Variants in FUT8 observed in about 807,000 individuals in gnomAD.
FUT8 encodes the protein alpha-(1,6)-fucosyltransferase.
In FUT8, 29 loss-of-function variants were observed where a neutral mutation model predicts 71.3. That is an observed-to-expected ratio of 0.41 (90% confidence interval 0.30 to 0.55). The LOEUF is 0.55. Among genes scored for constraint, FUT8 ranks in the 20% least tolerant of loss-of-function variants. The probability of loss-of-function intolerance (pLI) is 0.34; values close to 1 mark genes in which losing one functional copy is unlikely to be tolerated. For missense variants in FUT8, 544 were observed against 702.1 expected, an observed-to-expected ratio of 0.77 and a Z score of 2.55; for synonymous variants, 254 against 239.3, an observed-to-expected ratio of 1.06 and a Z score of -0.57.
chr14:65,718,319 T>A (rs1336750825), intron 7 of FUT8, among the ~76,000 whole-genome samples: 1 of 152,236 alleles, frequency 6.6e-6, no homozygotes, highest in South Asian at 2.1e-4. Context: ...TTGGCACCGA[T>A]TGCATAAACA....
intron 1 of FUT8, among the ~76,000 whole-genome samples, chr14:65,436,283 A>T (rs2065557610): frequency 6.6e-6 from 1 of 152,092 alleles, no homozygotes; most frequent in African/African-American, 2.4e-5. Flanking sequence ...GTCTCAAAAC[A>T]ACAACAACAA....
intron 6 of FUT8, chr14:65,645,825 C>T (rs1200635767): frequency 6.6e-6 from 1 of 152,286 alleles, no homozygotes; most frequent in South Asian, 2.1e-4. Flanking sequence ...GGGACACATT[C>T]ATATCACAGT....
At chr14:65,528,002 C>A (rs759700129) in intron 2 of FUT8, among the ~76,000 whole-genome samples, 1 of 152,308 alleles carries the variant, frequency 6.6e-6, no homozygotes, top group Non-Finnish European at 1.5e-5. Flanking sequence ...GGTCAGTGAC[C>A]TACTTGAGGA....
At chr14:65,471,427 G>A (rs971197130) in intron 2 of FUT8, among the ~76,000 whole-genome samples, 1 of 152,092 alleles carries the variant, frequency 6.6e-6, no homozygotes, top group African/African-American at 2.4e-5. Flanking sequence ...TTCCCCTGCT[G>A]CAAGCAGGAG....
intron 6 of FUT8, among the ~76,000 whole-genome samples, chr14:65,634,813 G>T (rs1890454863): frequency 6.6e-6 from 1 of 152,124 alleles, no homozygotes; most frequent in Admixed American, 6.5e-5. Flanking sequence ...TGACTATGCG[G>T]ACTCTTTTTT....
At chr14:65,617,955 T>G (rs968186969) in intron 5 of FUT8, among the ~76,000 whole-genome samples, 6 of 145,708 alleles carry the variant, frequency 4.1e-5, no homozygotes, top group African/African-American at 1.3e-4. Flanking sequence ...AAAAAAAGAT[T>G]TGAGTAATCA....
chr14:65,530,840 C>CCCCTCTCT (rs1016771227), intron 2 of FUT8, among the ~76,000 whole-genome samples: 18 of 150,324 alleles, frequency 1.2e-4, no homozygotes, highest in African/African-American at 4.4e-4. Flanking sequence ...TCCCTCCCTC[C>CCCCTCTCT]CCCTCTCTTC....
chr14:65,722,219 T>G (rs1313731755), intron 8 of FUT8, among the ~76,000 whole-genome samples, 198 bp downstream of exon 8: 1 of 152,210 alleles, frequency 6.6e-6, no homozygotes, highest in African/African-American at 2.4e-5. Context: ...AGAAAGTTGC[T>G]TAGTAGTGCT....
chr14:65,655,418 G>A (rs1891627085), intron 6 of FUT8, among the ~76,000 whole-genome samples: 1 of 150,722 alleles, frequency 6.6e-6, no homozygotes, highest in Non-Finnish European at 1.5e-5. Flanking sequence ...GGAACTTGCA[G>A]TGAGCCGAGA....
intron 7 of FUT8, among the ~76,000 whole-genome samples, chr14:65,697,598 A>G (rs1001291492): frequency 6.6e-6 from 1 of 152,196 alleles, no homozygotes; most frequent in African/African-American, 2.4e-5. Flanking sequence ...GAAAAGTACA[A>G]TTATGTTTTA....
At position 65,724,947 on chromosome 14, in the gene FUT8, TG is replaced by T. The variant is rs1895604518; in HGVS notation, c.1259+628del. On this transcript the variant is annotated intron_variant, in intron 9 of 10. Coordinates refer to ENST00000673929, the MANE Select transcript of FUT8 (RefSeq NM_001371533.1). ...GTCCTATTTCCAAACACCATCACAT[TG>T]GGGTTAGGGATTCAACATAGGAATT... Among the ~76,000 whole-genome samples, 3 of 152,218 alleles carry T rather than the reference TG, an allele frequency of 2.0e-5. No homozygotes were observed. In the South Asian group the frequency reaches 6.2e-4, roughly 32 times the overall value.
chr14:65,508,067 CT>C (rs71446303), intron 2 of FUT8, among the ~76,000 whole-genome samples: 36,350 of 125,664 alleles, frequency 0.29, 4,569 homozygotes, highest in Non-Finnish European at 0.38. Context: ...ATGTTAAACA[CT>C]TTTTTTTTTT....
At chr14:65,460,458 C>G (rs1206077862) in intron 2 of FUT8, among the ~76,000 whole-genome samples, 1 of 152,146 alleles carries the variant, frequency 6.6e-6, no homozygotes, top group Non-Finnish European at 1.5e-5. Flanking sequence ...TGTAATGCAA[C>G]CCACAGTATG....
In FUT8 at chr14:65,627,123, A is replaced by G. The variant is rs1889934981; in HGVS notation, c.483-2369A>G. On this transcript the variant is annotated intron_variant, in intron 5 of 10. Transcript: ENST00000673929. The surrounding 1 kb of genome is among the most constrained non-coding windows in gnomAD (Gnocchi z 4.0). ...ACATGCTGATTTTAAATAACAAAAA[A>G]CAAAAAAATAAAAGAAGCAACCAAA... Among the ~76,000 whole-genome samples the G allele has an allele frequency of 6.6e-6, 1 of 152,236 alleles. No homozygotes were observed. The highest frequency in any genetic ancestry group is 2.4e-5 in the African/African-American group (1 of 41,466).
In FUT8 at chr14:65,559,894, A is replaced by T. The variant is rs141216330; in HGVS notation, c.-227-1443A>T. On this transcript the variant is annotated intron_variant, in intron 2 of 10. Transcript: ENST00000673929. ...AGATTTAAGAATAGTTATTAAAACA[A>T]CAGACAACTTTTTACTTGGATTATT... 2.6e-3 allele frequency among the ~76,000 whole-genome samples: 401 copies of T among 152,290 alleles called. 4 individuals carry two copies. Among genetic ancestry groups the T allele is most frequent in the African/African-American group, 9.0e-3 (376 of 41,554 alleles).
chr14:65,404,898 T>C, the FUT8 span, among the ~76,000 whole-genome samples: 1 of 152,376 alleles, frequency 6.6e-6, no homozygotes, highest in Admixed American at 6.5e-5. Context: ...ATTGTATCAA[T>C]AGTATCAGAA....
chr14:65,368,342 C>CT, the FUT8 span, among the ~76,000 whole-genome samples: 1,550 of 89,748 alleles, frequency 0.017, 138 homozygotes, highest in African/African-American at 0.047. Context: ...CGTGAGCCAC[C>CT]TTTTTTTTTT....
At position 65,743,925 on chromosome 14, in the gene FUT8, C is replaced by T. The variant is rs895127537; in HGVS notation, c.*1515C>T. 1 of 151,744 alleles carries T rather than the reference C, an allele frequency of 6.6e-6. No homozygotes were observed. The highest frequency in any genetic ancestry group is 2.4e-5 in the African/African-American group (1 of 41,354). 9.4% of individuals were successfully genotyped at this position (151,744 alleles called of 1,614,324 possible). On this transcript the variant is annotated 3_prime_UTR_variant, in exon 11 of 11. Coordinates refer to ENST00000673929, the MANE Select transcript of FUT8 (RefSeq NM_001371533.1). The stretch of plus-strand genomic sequence containing the variant: ...GGCCTAGTGTGAAATATTAGGGATC[C>T]TAGGCAGAAGAGCTATTAGTCCTGG...
intron 10 of FUT8, among the ~76,000 whole-genome samples, chr14:65,738,132 C>T (rs1896315385): frequency 1.3e-5 from 2 of 152,244 alleles, no homozygotes; most frequent in South Asian, 2.1e-4. Context: ...ATGCTGAGTG[C>T]TGTACAGTGC....
Sources: allele counts gnomAD v4.1 joint callset (sites outside exome capture counted in the v4.1 genomes callset), GRCh38; gene constraint gnomAD v4.1.1; non-coding constraint Gnocchi (gnomAD v3.1); transcripts MANE v1.5; gene names NCBI Gene and HGNC (gene_info 2026-07-23, HGNC 2026-07-21).